Variants in CCDC3 observed in about 807,000 individuals in gnomAD.
CCDC3 encodes the protein coiled-coil domain-containing protein 3.
A neutral mutation model predicts 21.4 loss-of-function variants in CCDC3; 24 were observed. The ratio of observed to expected loss-of-function variants is 1.12; its 90% CI spans 0.81 to 1.58. The LOEUF is 1.58. CCDC3 is among the 40% of genes most tolerant of loss of function. The pLI, the probability that CCDC3 is intolerant of heterozygous loss-of-function variation, is 0.00. For missense variants in CCDC3, 425 were observed against 360.9 expected (o/e 1.18, Z -1.44); for synonymous variants, 186 against 166.0 (o/e 1.12, Z -0.93).
At chr10:13,050,749 G>A (rs760236949) in intron 4 of CCDC3, among the ~76,000 whole-genome samples, 5 of 151,848 alleles carry the variant, frequency 3.3e-5, no homozygotes, top group Non-Finnish European at 7.4e-5. Context: ...GTGAACCACC[G>A]CGCCCAGCCT....
chr10:12,976,818 A>G (rs1009683781), intron 2 of CCDC3, among the ~76,000 whole-genome samples: 8 of 102,748 alleles, frequency 7.8e-5, no homozygotes, highest in African/African-American at 2.9e-4. Context: ...CATAGAATGT[A>G]CAATACCAAG....
At chr10:13,072,548 T>G (rs1274238254) in intron 4 of CCDC3, among the ~76,000 whole-genome samples, 2 of 152,180 alleles carry the variant, frequency 1.3e-5, no homozygotes, top group Non-Finnish European at 2.9e-5. Context: ...ACATGTGCAC[T>G]GGGAGAATGG....
At chr10:12,910,609 AAAT>A (rs1432561146) in intron 2 of CCDC3, among the ~76,000 whole-genome samples, 2 of 110,082 alleles carry the variant, frequency 1.8e-5, no homozygotes, top group Admixed American at 8.9e-5. Flanking sequence ...AAAAAAAAAA[AAAT>A]TTTTTTTTTT....
intron 2 of CCDC3, among the ~76,000 whole-genome samples, chr10:12,911,128 G>A (rs1364904320): frequency 6.6e-6 from 1 of 152,156 alleles, no homozygotes; most frequent in African/African-American, 2.4e-5. Context: ...TTCTCATCCT[G>A]GTTCCTGTGT....
Position 12,938,713 on chromosome 10 carries a change from C to T in CCDC3, c.550-40034G>A, listed in dbSNP as rs145257214. ...TCCATTACTATCCTTTCTGATTGCT[C>T]GTGCCTTCACTTCTTTGGTTCCTTG... On this transcript the variant is annotated intron_variant, in intron 2 of 2. Coordinates refer to ENST00000378825, the MANE Select transcript of CCDC3 (RefSeq NM_031455.4). 2.9e-3 allele frequency among the ~76,000 whole-genome samples: 443 copies of T among 152,288 alleles called. 4 individuals are homozygous for T. The highest frequency in any genetic ancestry group is 9.9e-3 in the African/African-American group (411 of 41,536).
At chr10:12,930,977 G>A (rs1389213942) in intron 2 of CCDC3, among the ~76,000 whole-genome samples, 11 of 152,104 alleles carry the variant, frequency 7.2e-5, no homozygotes, top group Non-Finnish European at 1.5e-4. Context: ...TTGGGAGGCC[G>A]AGACGGGAGG....
rs1251121 is a variant in CCDC3, at chr10:12,994,744, C to A, written c.549+3594G>T. 7.7e-3 allele frequency among the ~76,000 whole-genome samples: 1,173 copies of A among 152,120 alleles called. 23 individuals are homozygous for A. The highest frequency in any genetic ancestry group is 0.044 in the South Asian group (213 of 4,828). On this transcript the variant is annotated intron_variant, in intron 2 of 2. Transcript: ENST00000378825. ...GGATAATTTGATGCTTGCCTTCCCACAGAAAAAGAAACGCTTAAAGTTTTT... is the reference window on the plus strand; with the variant it reads ...GGATAATTTGATGCTTGCCTTCCCAAAGAAAAAGAAACGCTTAAAGTTTTT...
At chr10:13,053,788 G>C (rs1439563162) in intron 4 of CCDC3, among the ~76,000 whole-genome samples, 1 of 152,128 alleles carries the variant, frequency 6.6e-6, no homozygotes, top group Non-Finnish European at 1.5e-5. Flanking sequence ...ATGTGGGCAG[G>C]GGTGAAGGTA....
intron 2 of CCDC3, among the ~76,000 whole-genome samples, chr10:12,937,641 TTATGAAAGAGCTC>T (rs1834761568): frequency 6.6e-6 from 1 of 152,134 alleles, no homozygotes; most frequent in South Asian, 2.1e-4. Flanking sequence ...CTTCCTCAGA[TTATGAAAGAGCTC>T]TATGGCACAG....
chr10:12,901,031 C>T (rs1342314051), intron 2 of CCDC3, among the ~76,000 whole-genome samples: 1 of 152,164 alleles, frequency 6.6e-6, no homozygotes, highest in African/African-American at 2.4e-5. Flanking sequence ...TTCTTTGGAG[C>T]ACCTGTATCC....
chr10:13,018,151 A>C (rs940484945), intron 5 of CCDC3, among the ~76,000 whole-genome samples: 1 of 152,080 alleles, frequency 6.6e-6, no homozygotes, highest in Non-Finnish European at 1.5e-5. Context: ...GAATATGTGT[A>C]GATATCATAA....
chr10:13,023,170 G>A (rs1328904275), intron 5 of CCDC3, among the ~76,000 whole-genome samples: 1 of 151,822 alleles, frequency 6.6e-6, no homozygotes, highest in Non-Finnish European at 1.5e-5. Context: ...CGCTGCTATT[G>A]TACAATTTTA....
intron 2 of CCDC3, among the ~76,000 whole-genome samples, chr10:12,915,375 T>C (rs994326467): frequency 6.6e-6 from 1 of 152,222 alleles, no homozygotes; most frequent in South Asian, 2.1e-4. Context: ...GTCATTCATT[T>C]TCCTGATTGG....
chr10:13,042,098 A>G (rs1030344471), intron 5 of CCDC3, among the ~76,000 whole-genome samples: 2 of 152,198 alleles, frequency 1.3e-5, no homozygotes, highest in African/African-American at 4.8e-5. Flanking sequence ...TGAAACATAG[A>G]GTTTGAAGAC....
intron 2 of CCDC3, among the ~76,000 whole-genome samples, chr10:12,987,589 C>T (rs935247804): frequency 6.6e-6 from 1 of 152,136 alleles, no homozygotes; most frequent in African/African-American, 2.4e-5. Flanking sequence ...CTATCAAGGA[C>T]CTGTCTATTC....
rs529887175 is a variant in CCDC3 at position 13,059,282 on chromosome 10, C to T, written c.-269-9341G>A. Among the ~76,000 whole-genome samples the T allele has an allele frequency of 4.6e-5, 7 of 152,304 alleles. No individual in the cohort carries two copies. The South Asian group carries it at 6.2e-4, about 14-fold the overall frequency. On this transcript the variant is annotated intron_variant, in intron 4 of 6. Coordinates refer to the CCDC3 transcript ENST00000378839. ...CAGTCTGGACCTTTGAACAACTTTG[C>T]GGAGCGGACCTCTCATGCCCCCATT...
chr10:13,078,560 CAT>C (rs1199880632), intron 3 of CCDC3, among the ~76,000 whole-genome samples: 1 of 152,178 alleles, frequency 6.6e-6, no homozygotes, highest in Non-Finnish European at 1.5e-5. Context: ...CACATGCACA[CAT>C]ATGTTTATTG....
At chr10:13,044,367 G>A (rs577466150) in intron 5 of CCDC3, among the ~76,000 whole-genome samples, 1 of 152,156 alleles carries the variant, frequency 6.6e-6, no homozygotes, top group African/African-American at 2.4e-5. Flanking sequence ...GATCCCATTT[G>A]TCAATTTTTG....
At chr10:12,948,222 C>T (rs192982179) in intron 2 of CCDC3, among the ~76,000 whole-genome samples, 4 of 152,168 alleles carry the variant, frequency 2.6e-5, no homozygotes, top group Non-Finnish European at 4.4e-5. Flanking sequence ...TGTGCCTTTG[C>T]TCTTCCTTCG....
Sources: allele counts gnomAD v4.1 joint callset (sites outside exome capture counted in the v4.1 genomes callset), GRCh38; gene constraint gnomAD v4.1.1; transcripts MANE v1.5; gene names NCBI Gene and HGNC (gene_info 2026-07-23, HGNC 2026-07-21).